Variants in ADGRL4 observed in about 807,000 individuals in gnomAD.
The protein encoded by ADGRL4 is EGF, latrophilin and seven transmembrane domain containing 1.
In ADGRL4, 90 loss-of-function variants were observed where a neutral mutation model predicts 74.8. The ratio of observed to expected loss-of-function variants is 1.20; its 90% CI spans 1.02 to 1.43. The LOEUF is 1.43. Among genes scored for constraint, ADGRL4 ranks in the 40% most tolerant of loss-of-function variants. ADGRL4 has a pLI of 0.00. For synonymous variants in ADGRL4, 311 were observed against 279.2 expected (o/e 1.11, Z -1.14); for missense variants, 881 against 814.3 (o/e 1.08, Z -1.00).
intron 2 of ADGRL4, among the ~76,000 whole-genome samples, chr1:78,989,097 C>G (rs541972069): frequency 6.3e-4 from 96 of 151,598 alleles, no homozygotes; most frequent in Non-Finnish European, 1.2e-3. Flanking sequence ...AATATAGACA[C>G]TTATTCAATT....
At chr1:78,912,724 G>C (rs1648789184) in intron 12 of ADGRL4, among the ~76,000 whole-genome samples, 1 of 151,744 alleles carries the variant, frequency 6.6e-6, no homozygotes, top group Non-Finnish European at 1.5e-5. Context: ...ATTATAAACA[G>C]GACCTGAGGC....
At chr1:78,992,172 G>A (rs1303516308) in intron 2 of ADGRL4, among the ~76,000 whole-genome samples, 1 of 151,914 alleles carries the variant, frequency 6.6e-6, no homozygotes, top group East Asian at 1.9e-4. Flanking sequence ...CTCCTTTCAT[G>A]GCAAATAAAG....
intron 2 of ADGRL4, among the ~76,000 whole-genome samples, chr1:78,988,322 A>T (rs1377376412): frequency 6.6e-6 from 1 of 151,806 alleles, no homozygotes; most frequent in Non-Finnish European, 1.5e-5. Flanking sequence ...AAGAGTTAAG[A>T]CATCTATTCT....
chr1:78,896,619 G>A (rs77237017), intron 12 of ADGRL4, among the ~76,000 whole-genome samples: 1,688 of 152,056 alleles, frequency 0.011, 29 homozygotes, highest in African/African-American at 0.038. Context: ...CCACCATCAT[G>A]CCTCCTCTGT....
intron 2 of ADGRL4, among the ~76,000 whole-genome samples, chr1:78,982,505 A>G (rs1251118591): frequency 6.6e-6 from 1 of 151,904 alleles, no homozygotes; most frequent in Non-Finnish European, 1.5e-5. Context: ...CATCAAGGTT[A>G]TTTCCTCTTT....
intron 2 of ADGRL4, among the ~76,000 whole-genome samples, chr1:78,994,208 T>A (rs568152142): frequency 1.2e-4 from 19 of 152,290 alleles, no homozygotes; most frequent in Admixed American, 1.1e-3. Context: ...TGATACTGAG[T>A]TTAATCATTT....
intron 1 of ADGRL4, 51 bp from the exon 2 acceptor site, chr1:79,005,270 TC>T: frequency 7.4e-7 from 1 of 1,359,874 alleles, no homozygotes; most frequent in Non-Finnish European, 1.0e-6. Context: ...CAAACATCTC[TC>T]CCCATTGTTG....
chr1:78,977,062 C>A (rs1650300337), intron 2 of ADGRL4, among the ~76,000 whole-genome samples: 1 of 151,550 alleles, frequency 6.6e-6, no homozygotes, highest in South Asian at 2.1e-4. Context: ...TACAAAGCAC[C>A]ATGACTAAGT....
At chr1:78,930,207 T>C (rs1464041801) in intron 7 of ADGRL4, among the ~76,000 whole-genome samples, 1 of 151,208 alleles carries the variant, frequency 6.6e-6, no homozygotes, top group Non-Finnish European at 1.5e-5. Flanking sequence ...TTTGTTGTTG[T>C]TCTCATATAG....
At chr1:78,932,835 A>G (rs1011060141) in intron 7 of ADGRL4, among the ~76,000 whole-genome samples, 2 of 151,412 alleles carry the variant, frequency 1.3e-5, no homozygotes, top group African/African-American at 4.9e-5. Flanking sequence ...AAAAATGGAT[A>G]AATTCCTGGG....
chr1:78,907,789 G>T (rs754863670), intron 12 of ADGRL4, among the ~76,000 whole-genome samples: 5 of 151,890 alleles, frequency 3.3e-5, no homozygotes, highest in Non-Finnish European at 7.4e-5. Context: ...AGCAGCCAGT[G>T]TGACTGAATA....
chr1:78,950,774 G>T (rs1649706475), intron 2 of ADGRL4, among the ~76,000 whole-genome samples: 1 of 152,094 alleles, frequency 6.6e-6, no homozygotes, highest in South Asian at 2.1e-4. Flanking sequence ...ATTTGAGTTG[G>T]CTGAAGAGAG....
intron 6 of ADGRL4, 125 bp downstream of exon 6, chr1:78,937,682 T>A (rs1340754980): frequency 2.0e-5 from 16 of 817,326 alleles, no homozygotes; most frequent in Non-Finnish European, 3.2e-5. Context: ...ATTTGTACAC[T>A]GATAAAACTA....
intron 2 of ADGRL4, among the ~76,000 whole-genome samples, chr1:78,977,443 C>T (rs1296830291): frequency 6.6e-6 from 1 of 151,692 alleles, no homozygotes. Flanking sequence ...TAAAATGGGT[C>T]AATATTATCA....
chr1:78,917,812 G>T lies in ADGRL4; in HGVS notation c.1682+18C>A, dbSNP rs528924346. The T allele has an allele frequency of 1.2e-6, 2 of 1,606,826 alleles. No individual in the cohort carries two copies. Among genetic ancestry groups the T allele is most frequent in the African/African-American group, 2.7e-5 (2 of 74,756 alleles). On this transcript the variant is annotated intron_variant, in intron 11 of 14. Transcript: ENST00000370742. ...TCAAAATCGTATTTCAAATGCTCAT[G>T]AAATCATTTTAACTTACACTTTGGT...
intron 3 of ADGRL4, among the ~76,000 whole-genome samples, chr1:78,944,471 C>T (rs1267506825): frequency 1.3e-5 from 2 of 152,110 alleles, no homozygotes; most frequent in Non-Finnish European, 2.9e-5. Flanking sequence ...ATCATTGATT[C>T]CTATTTCCTG....
At chr1:78,898,118 G>A (rs547238062) in intron 12 of ADGRL4, among the ~76,000 whole-genome samples, 2 of 152,076 alleles carry the variant, frequency 1.3e-5, no homozygotes, top group African/African-American at 4.8e-5. Context: ...CTCAAAAAAG[G>A]AGGATAAAGA....
At chr1:78,963,090 G>T (rs1014546944) in intron 2 of ADGRL4, among the ~76,000 whole-genome samples, 3 of 152,154 alleles carry the variant, frequency 2.0e-5, no homozygotes, top group Admixed American at 6.5e-5. Flanking sequence ...TTCAGAAATT[G>T]CTGGAAATTA....
intron 6 of ADGRL4, among the ~76,000 whole-genome samples, chr1:78,937,021 G>T (rs751039852): frequency 2.0e-5 from 3 of 152,128 alleles, no homozygotes; most frequent in African/African-American, 4.8e-5. Context: ...AGTTTATAGG[G>T]ATCCTCAATT....
Sources: allele counts gnomAD v4.1 joint callset (sites outside exome capture counted in the v4.1 genomes callset), GRCh38; gene constraint gnomAD v4.1.1; transcripts MANE v1.5; gene names NCBI Gene and HGNC (gene_info 2026-07-23, HGNC 2026-07-21).